The following PALMD variants were observed in gnomAD, a reference collection of about 807,000 sequenced individuals.
The protein encoded by PALMD is palmdelphin, also known as paralemmin-like protein.
A neutral mutation model predicts 56.2 loss-of-function variants in PALMD; 42 were observed. That is an observed-to-expected ratio of 0.75 (90% confidence interval 0.58 to 0.97). The LOEUF is 0.97. Among genes scored for constraint, PALMD ranks in the 50% least tolerant of loss-of-function variants. The pLI is 0.00. For missense variants in PALMD, 660 were observed against 643.8 expected (o/e 1.03, Z -0.27); for synonymous variants, 242 against 222.9 (o/e 1.09, Z -0.76).
intron 2 of PALMD, among the ~76,000 whole-genome samples, chr1:99,666,677 G>C (rs1652969056): frequency 6.6e-6 from 1 of 152,092 alleles, no homozygotes; most frequent in African/African-American, 2.4e-5. Context: ...GGGCAGATTG[G>C]ATACATAATG....
intron 1 of PALMD, among the ~76,000 whole-genome samples, chr1:99,653,820 C>T (rs1231627221): frequency 2.0e-5 from 3 of 152,106 alleles, no homozygotes; most frequent in Non-Finnish European, 2.9e-5. Context: ...TTGCCTTTAA[C>T]TTCCACCCAA....
rs1420866343 is a variant in PALMD, at chr1:99,689,039, C to T, written c.779C>T (p.Pro260Leu). 2 of 1,613,722 alleles carry T rather than the reference C, an allele frequency of 1.2e-6. No homozygotes were observed. Among genetic ancestry groups the T allele is most frequent in the Non-Finnish European group, 8.5e-7 (1 of 1,179,814 alleles). The change falls in exon 7 of 8, where the codon CCT becomes CTT. Residue 260 changes from proline to leucine, a missense_variant. Coordinates refer to ENST00000263174, the MANE Select transcript of PALMD (RefSeq NM_017734.5). ...AAATCCCCAACAGAGTATCATGAGC[C>T]TGTATATGCCAATCCCTTTTACAGG... is the stretch of plus-strand genomic sequence containing the variant. Reference protein sequence around the residue: ...NSKSPTEYHEPVYANPFYRPT... With the variant: ...NSKSPTEYHELVYANPFYRPT...
chr1:99,677,129 AC>A (rs1316177668), intron 3 of PALMD, among the ~76,000 whole-genome samples: 2 of 152,200 alleles, frequency 1.3e-5, no homozygotes, highest in Admixed American at 6.6e-5. Flanking sequence ...CAGATTTGAT[AC>A]ATTTTTTAGA....
chr1:99,652,468 G>A (rs925427143), intron 1 of PALMD, among the ~76,000 whole-genome samples: 1 of 151,998 alleles, frequency 6.6e-6, no homozygotes, highest in African/African-American at 2.4e-5. Flanking sequence ...GCTGGGCATG[G>A]TGGTCTGCGC....
At chr1:99,646,826 G>A (rs1378168648) in intron 1 of PALMD, among the ~76,000 whole-genome samples, 3 of 152,140 alleles carry the variant, frequency 2.0e-5, no homozygotes, top group East Asian at 3.9e-4. Context: ...TTTGTAGTGT[G>A]GTAGCATGTT....
At chr1:99,679,614 A>C (rs1653294129) in intron 3 of PALMD, among the ~76,000 whole-genome samples, 1 of 152,248 alleles carries the variant, frequency 6.6e-6, no homozygotes, top group Non-Finnish European at 1.5e-5. Flanking sequence ...CGTGGGCCCC[A>C]GCTATCATTT....
intron 1 of PALMD, among the ~76,000 whole-genome samples, chr1:99,647,791 T>A (rs760489544): frequency 6.6e-6 from 1 of 152,238 alleles, no homozygotes; most frequent in East Asian, 1.9e-4. Context: ...AATTAGCTAA[T>A]TGAAATAGAC....
At chr1:99,693,951 G>T in intron 7 of PALMD, 68 bp from the exon 8 acceptor site, 1 of 1,058,182 alleles carries the variant, frequency 9.5e-7, no homozygotes, top group Admixed American at 2.0e-5. Context: ...TGCATTCTAT[G>T]AATGGCCATT....
At chr1:99,675,072 G>C (rs538333788) in intron 3 of PALMD, among the ~76,000 whole-genome samples, 5 of 151,802 alleles carry the variant, frequency 3.3e-5, no homozygotes, top group African/African-American at 9.7e-5. Flanking sequence ...TCTGATTCTT[G>C]TTGGTTATTC....
rs190537028 is a variant in PALMD, at chr1:99,650,620, C to T, written c.45+4258C>T. On this transcript the variant is annotated intron_variant, in intron 1 of 7. Transcript: ENST00000263174. ...AGTAAGACAGTTAGTGACCCAAAAG[C>T]AAGACCTGCTGTGTGATTTGTGGGG... Among the ~76,000 whole-genome samples, 7 of 152,268 alleles carry T rather than the reference C, an allele frequency of 4.6e-5. 1 individual carries two copies. The East Asian group carries it at 1.4e-3, about 29-fold the overall frequency.
chr1:99,678,351 C>T (rs765219286), intron 3 of PALMD, among the ~76,000 whole-genome samples: 3 of 152,012 alleles, frequency 2.0e-5, no homozygotes, highest in African/African-American at 4.8e-5. Context: ...GTTATCCACT[C>T]GCCTCAGCCT....
intron 3 of PALMD, among the ~76,000 whole-genome samples, chr1:99,678,875 C>T (rs1653276472): frequency 6.6e-6 from 1 of 151,990 alleles, no homozygotes; most frequent in African/African-American, 2.4e-5. Context: ...CCTGTAATCC[C>T]AGCTTTTAGG....
rs1390576495 is a variant in PALMD at position 99,689,870 on chromosome 1, CA to C, written c.1611del (p.Ala538LeufsTer2). On this transcript the variant is annotated frameshift_variant and splice_region_variant, in exon 7 of 8. Coordinates refer to ENST00000263174, the MANE Select transcript of PALMD (RefSeq NM_017734.5). LOFTEE classifies it high-confidence loss of function. ...TGDGTEDPSL[T>X]ALRMRMAKLG... ...GATGGGACTGAGGATCCATCCTTAACAGGTAATAAAAATGACAAGGCATGCC... is the reference window on the plus strand; with the variant it reads ...GATGGGACTGAGGATCCATCCTTAACGGTAATAAAAATGACAAGGCATGCC... 6.3e-7 allele frequency: 1 copy of C among 1,593,502 alleles called. No homozygotes were observed. The highest frequency in any genetic ancestry group is 8.5e-7 in the Non-Finnish European group (1 of 1,174,188).
At position 99,646,381 on chromosome 1, in the gene PALMD, A is replaced by G; in HGVS notation, c.45+19A>G. Reference sequence around the variant, plus strand: ...CATCACAGTAAGTCTGCATACAGTTATAACTCATTAACGTTGTTACTTAGA... The same window carrying G: ...CATCACAGTAAGTCTGCATACAGTTGTAACTCATTAACGTTGTTACTTAGA... On this transcript the variant is annotated intron_variant, in intron 1 of 7. Coordinates refer to ENST00000263174, the MANE Select transcript of PALMD (RefSeq NM_017734.5). 1.9e-6 allele frequency: 3 copies of G among 1,596,708 alleles called. No homozygotes were observed. Among genetic ancestry groups the G allele is most frequent in the Non-Finnish European group, 2.6e-6 (3 of 1,164,128 alleles).
At chr1:99,662,766 C>T (rs925237528) in intron 2 of PALMD, among the ~76,000 whole-genome samples, 1 of 152,124 alleles carries the variant, frequency 6.6e-6, no homozygotes, top group Non-Finnish European at 1.5e-5. Context: ...AATGAAAGGC[C>T]AGTCATTCCC....
At chr1:99,676,195 A>G (rs1458437822) in intron 3 of PALMD, among the ~76,000 whole-genome samples, 1 of 152,184 alleles carries the variant, frequency 6.6e-6, no homozygotes, top group Non-Finnish European at 1.5e-5. Flanking sequence ...ATTCTCTGGC[A>G]TGCTTACCAC....
intron 1 of PALMD, among the ~76,000 whole-genome samples, chr1:99,658,195 T>C (rs1164811281): frequency 6.6e-6 from 1 of 151,470 alleles, no homozygotes; most frequent in Non-Finnish European, 1.5e-5. Context: ...CCTCATCTAC[T>C]TGGGAGGCTT....
chr1:99,665,795 A>C (rs956052893), intron 2 of PALMD, among the ~76,000 whole-genome samples: 1 of 152,176 alleles, frequency 6.6e-6, no homozygotes, highest in Non-Finnish European at 1.5e-5. Flanking sequence ...AATAAATTAG[A>C]ATCAAAGTAA....
rs149824926 is a variant in PALMD, at chr1:99,657,267, C to A, written c.46-5052C>A. Among the ~76,000 whole-genome samples the A allele has an allele frequency of 5.0e-3, 765 of 152,276 alleles. 7 individuals are homozygous for A. Among genetic ancestry groups the A allele is most frequent in the African/African-American group, 0.016 (667 of 41,564 alleles). ...TGGCCCAAGGACATCTCAAACTTGG[C>A]GAATCCATCATCTTTTTTTCCAAAC... is the stretch of plus-strand genomic sequence containing the variant. On this transcript the variant is annotated intron_variant, in intron 1 of 7. Coordinates refer to ENST00000263174, the MANE Select transcript of PALMD (RefSeq NM_017734.5).
Sources: gnomAD v4.1 joint callset for allele counts (sites outside exome capture counted in the v4.1 genomes callset) on GRCh38, gnomAD v4.1.1 for gene constraint, MANE v1.5 for transcripts, NCBI Gene and HGNC (gene_info 2026-07-23, HGNC 2026-07-21) for gene names.